The following JADE1 variants were observed in gnomAD, a reference collection of about 807,000 sequenced individuals.
JADE1 encodes jade family PHD finger 1.
A neutral mutation model predicts 81.8 loss-of-function variants in JADE1; 14 were observed. The observed-to-expected ratio is 0.17, with a 90% CI of 0.11 to 0.27. JADE1 has a LOEUF of 0.27. JADE1 is among the 10% of genes least tolerant of loss of function. The pLI is 1.00. For synonymous variants in JADE1, 353 were observed against 391.9 expected (o/e 0.90, Z 1.17); for missense variants, 690 against 1,047.9 (o/e 0.66, Z 4.71).
chr4:128,823,646 A>AT (rs529475543), intron 1 of JADE1, among the ~76,000 whole-genome samples: 80 of 152,288 alleles, frequency 5.3e-4, no homozygotes, highest in Non-Finnish European at 8.5e-4. Context: ...TAAAGAGCAC[A>AT]TTTTTTTGCT....
chr4:128,841,500 T>C (rs970901466), intron 2 of JADE1, among the ~76,000 whole-genome samples: 2 of 152,190 alleles, frequency 1.3e-5, no homozygotes, highest in African/African-American at 4.8e-5. Flanking sequence ...AACTCTTAGA[T>C]TTCTGACGTC....
At chr4:128,852,366 G>T in intron 6 of JADE1, 98 bp downstream of exon 6, 2 of 927,892 alleles carry the variant, frequency 2.2e-6, no homozygotes, top group South Asian at 1.5e-5. Flanking sequence ...CCTCCGAATG[G>T]GGTCTGTGTT....
intron 1 of JADE1, among the ~76,000 whole-genome samples, chr4:128,829,919 A>G (rs1728392674): frequency 1.3e-5 from 2 of 151,842 alleles, no homozygotes; most frequent in Admixed American, 6.6e-5. Context: ...ACTGTGTCAC[A>G]TAGGCTGGAG....
chr4:128,856,233 A>G (rs968057813), intron 7 of JADE1, among the ~76,000 whole-genome samples: 1 of 152,196 alleles, frequency 6.6e-6, no homozygotes, highest in Non-Finnish European at 1.5e-5. Flanking sequence ...GAGTAAAAAG[A>G]TACCTTTTAG....
At chr4:128,842,353 G>T (rs1729507045) in intron 2 of JADE1, among the ~76,000 whole-genome samples, 1 of 151,004 alleles carries the variant, frequency 6.6e-6, no homozygotes, top group Non-Finnish European at 1.5e-5. Context: ...AGGCTGGAGT[G>T]CAGTGACGCA....
chr4:128,846,375 G>A lies in JADE1; in HGVS notation c.139G>A (p.Val47Met). 6.2e-7 allele frequency: 1 copy of A among 1,612,914 alleles called. No individual in the cohort carries two copies. The highest frequency in any genetic ancestry group is 8.5e-7 in the Non-Finnish European group (1 of 1,179,294). ...SRHEDRKPSE[V>M]FRTDLITAMK... ...AGTGTCCCTTTCTCTTCCTTTCCAG[G>A]TGTTTAGGACAGACCTGATCACTGC... is the stretch of plus-strand genomic sequence containing the variant. Residue 47 changes from valine (V) to methionine (M), a missense_variant and splice_region_variant, in exon 4 of 11, where the codon GTG becomes ATG. Coordinates refer to ENST00000226319, the MANE Select transcript of JADE1 (RefSeq NM_199320.4). The surrounding 1 kb of genome is among the most constrained non-coding windows in gnomAD (Gnocchi z 4.0).
In JADE1 at chr4:128,828,217, G is replaced by A. The variant is rs148927598; in HGVS notation, c.-26-3516G>A. Among the ~76,000 whole-genome samples the A allele has an allele frequency of 1.5e-3, 235 of 152,176 alleles. 3 individuals carry two copies. Among genetic ancestry groups the A allele is most frequent in the East Asian group, 0.014 (72 of 5,184 alleles). ...CCATTATATCTTCTTGCTACTTTGG[G>A]GTGTTGTGAGTAGCCATTTTAATTG... On this transcript the variant is annotated intron_variant, in intron 1 of 10. Coordinates refer to ENST00000226319, the MANE Select transcript of JADE1 (RefSeq NM_199320.4).
At chr4:128,819,129 T>G (rs1000828663) in intron 1 of JADE1, among the ~76,000 whole-genome samples, 1 of 152,244 alleles carries the variant, frequency 6.6e-6, no homozygotes, top group African/African-American at 2.4e-5. Flanking sequence ...AGCAGCTACT[T>G]GATTGTTTCT....
intron 1 of JADE1, among the ~76,000 whole-genome samples, chr4:128,828,529 G>A (rs1728257898): frequency 6.8e-6 from 1 of 146,506 alleles, no homozygotes; most frequent in Non-Finnish European, 1.5e-5. Flanking sequence ...CCCTGGAGAA[G>A]CAAATACAGC....
chr4:128,856,471 C>T (rs1184256933), intron 7 of JADE1, among the ~76,000 whole-genome samples: 1 of 152,160 alleles, frequency 6.6e-6, no homozygotes, highest in Non-Finnish European at 1.5e-5. Context: ...CCCCAAGGAT[C>T]AGCTGTACAT....
rs6850940 is a variant in JADE1, at chr4:128,871,632, A to G, written c.1899A>G (p.Leu633=). 5.0e-3 allele frequency: 8,019 copies of G among 1,614,198 alleles called. 224 individuals are homozygous for G. The African/African-American group carries it at 0.075, about 15-fold the overall frequency. The change falls in exon 11 of 11, where the codon TTA becomes TTG. Residue 633 remains leucine, a synonymous_variant. Coordinates refer to ENST00000226319, the MANE Select transcript of JADE1 (RefSeq NM_199320.4). This position sits in a 1 kb window ranked among gnomAD's most constrained non-coding sequence, Gnocchi z 4.1. The part of the protein sequence containing the change: ...GMVVPESFLG[L]EKTFAEARLI... ...TGGTCCCAGAGAGCTTTTTGGGTTT[A>G]GAAAAGACCTTTGCAGAAGCACGTC...
intron 1 of JADE1, among the ~76,000 whole-genome samples, chr4:128,822,749 A>G (rs1727703485): frequency 6.6e-6 from 1 of 152,154 alleles, no homozygotes; most frequent in South Asian, 2.1e-4. Context: ...AAATCATATT[A>G]AAGGTCATAA....
intron 6 of JADE1, among the ~76,000 whole-genome samples, chr4:128,852,957 G>A (rs9994585): frequency 0.016 from 2,347 of 150,592 alleles, 73 homozygotes; most frequent in African/African-American, 0.055. Flanking sequence ...GTGCAATGGC[G>A]TGGTCTTGGC....
rs779728258 is a variant in JADE1, at chr4:128,831,716, G to A, written c.-26-17G>A. 1 of 1,612,644 alleles carries A rather than the reference G, an allele frequency of 6.2e-7. No homozygotes were observed. Among genetic ancestry groups the A allele is most frequent in the Non-Finnish European group, 8.5e-7 (1 of 1,178,666 alleles). ...GTATTATCATCTTGGGTTAAGTGCTGTCTCATTGCTTTGCAGGCTGCCTGC... is the reference window on the plus strand; with the variant it reads ...GTATTATCATCTTGGGTTAAGTGCTATCTCATTGCTTTGCAGGCTGCCTGC... On this transcript the variant is annotated splice_polypyrimidine_tract_variant and intron_variant, in intron 1 of 10. Transcript: ENST00000226319.
intron 4 of JADE1, among the ~76,000 whole-genome samples, chr4:128,847,938 G>A (rs1730004214): frequency 6.6e-6 from 1 of 152,162 alleles, no homozygotes; most frequent in African/African-American, 2.4e-5. Flanking sequence ...TAGGAAGATG[G>A]CCTTTTTTTG....
In JADE1 at chr4:128,824,897, T is replaced by C. The variant is rs534928541; in HGVS notation, c.-26-6836T>C. ...TGTAATCCTTATTATAGCTATAGAGTTTATGGCCTGATAAATGGGCCCTGT... is the reference window on the plus strand; with the variant it reads ...TGTAATCCTTATTATAGCTATAGAGCTTATGGCCTGATAAATGGGCCCTGT... On this transcript the variant is annotated intron_variant, in intron 1 of 10. Coordinates refer to ENST00000226319, the MANE Select transcript of JADE1 (RefSeq NM_199320.4). 1.2e-4 allele frequency among the ~76,000 whole-genome samples: 18 copies of C among 152,288 alleles called. No homozygotes were observed. In the South Asian group the frequency reaches 1.9e-3, roughly 16 times the overall value.
chr4:128,859,634 C>T (rs1324222937), intron 8 of JADE1, among the ~76,000 whole-genome samples: 1 of 152,098 alleles, frequency 6.6e-6, no homozygotes, highest in Non-Finnish European at 1.5e-5. Flanking sequence ...TGTGCACTGG[C>T]AGGAAACAGG....
intron 1 of JADE1, among the ~76,000 whole-genome samples, chr4:128,813,485 C>G (rs1452950035): frequency 1.5e-5 from 2 of 137,076 alleles, no homozygotes; most frequent in Non-Finnish European, 3.0e-5. Context: ...GTGGCATGAT[C>G]TTAGCTCACT....
chr4:128,848,381 G>A (rs1730054105), intron 4 of JADE1, among the ~76,000 whole-genome samples: 1 of 152,288 alleles, frequency 6.6e-6, no homozygotes, highest in South Asian at 2.1e-4. Flanking sequence ...GTTTCACTGT[G>A]TTGGCCAGGC....
Sources: allele counts gnomAD v4.1 joint callset (sites outside exome capture counted in the v4.1 genomes callset), GRCh38; gene constraint gnomAD v4.1.1; non-coding constraint Gnocchi (gnomAD v3.1); transcripts MANE v1.5; gene names NCBI Gene and HGNC (gene_info 2026-07-23, HGNC 2026-07-21).